The following KIF3B variants were observed in gnomAD, a reference collection of about 807,000 sequenced individuals.
KIF3B encodes the protein kinesin-like protein KIF3B.
Under a neutral mutation model 74.3 loss-of-function variants are expected in KIF3B, and 38 were observed. The ratio of observed to expected loss-of-function variants is 0.51; its 90% CI spans 0.39 to 0.67. The LOEUF is 0.67. Ranked by LOEUF, KIF3B falls within the 30% of genes least tolerant of loss-of-function variation. The pLI, the probability that KIF3B is intolerant of heterozygous loss-of-function variation, is 0.00. For missense variants in KIF3B, 649 were observed against 932.0 expected (o/e 0.70, Z 3.95); for synonymous variants, 326 against 342.5 (o/e 0.95, Z 0.53).
chr20:32,299,014 G>A (rs750371042), intron 1 of KIF3B, among the ~76,000 whole-genome samples: 5 of 151,952 alleles, frequency 3.3e-5, no homozygotes, highest in Admixed American at 6.6e-5. Context: ...CATGAGCACC[G>A]TATTTTTTTG....
At position 32,310,711 on chromosome 20, in the gene KIF3B, G is replaced by A. The variant is rs949770778; in HGVS notation, c.934G>A (p.Val312Met). Reference sequence around the variant, plus strand: ...TTCCCTTGGTGGCAATGCCAAGACTGTGATGGTGGCCAACGTGGGGCCTGC... The same window carrying A: ...TTCCCTTGGTGGCAATGCCAAGACTATGATGGTGGCCAACGTGGGGCCTGC... The part of the protein sequence containing the change: ...QDSLGGNAKT[V>M]MVANVGPASY... The change falls in exon 2 of 9, where the codon GTG becomes ATG. Residue 312 changes from valine (V) to methionine (M), a missense_variant. This residue lies in a region of KIF3B where 363 missense variants were observed against 592.8 expected (regional missense o/e 0.61). Transcript: ENST00000375712. This position sits in a 1 kb window ranked among gnomAD's most constrained non-coding sequence, Gnocchi z 6.5. The A allele has an allele frequency of 4.3e-6, 7 of 1,614,168 alleles. No individual in the cohort carries two copies. The highest frequency in any genetic ancestry group is 5.9e-6 in the Non-Finnish European group (7 of 1,180,022).
intron 1 of KIF3B, among the ~76,000 whole-genome samples, chr20:32,296,662 T>C (rs1177542324): frequency 6.6e-6 from 1 of 152,154 alleles, no homozygotes. Flanking sequence ...TCCACCTAGC[T>C]CTTTTAGGGA....
chr20:32,326,855 T>C lies in KIF3B; in HGVS notation c.1833T>C (p.His611=), dbSNP rs758843743. The C allele has an allele frequency of 5.1e-6, 8 of 1,583,420 alleles. No individual in the cohort carries two copies. In the South Asian group the frequency reaches 7.8e-5, roughly 15 times the overall value. Residue 611 remains histidine, a synonymous_variant, in exon 6 of 9, where the codon CAT becomes CAC. Transcript: ENST00000375712. Reference sequence around the variant, plus strand: ...CCTTCTTTGATGAAGAGGAAGATCATTGGAAACTACATCCTATAACCAGAC... The same window carrying C: ...CCTTCTTTGATGAAGAGGAAGATCACTGGAAACTACATCCTATAACCAGAC... ...NRAFFDEEED[H]WKLHPITRLE... is the part of the protein sequence containing the mutation.
intron 1 of KIF3B, among the ~76,000 whole-genome samples, chr20:32,296,918 C>G (rs983827782): frequency 6.6e-6 from 1 of 152,062 alleles, no homozygotes; most frequent in Non-Finnish European, 1.5e-5. Context: ...GACTTGCTTT[C>G]ATGGTGTGGT....
chr20:32,293,036 C>T (rs2122664770), intron 1 of KIF3B, among the ~76,000 whole-genome samples: 1 of 152,262 alleles, frequency 6.6e-6, no homozygotes, highest in African/African-American at 2.4e-5. Flanking sequence ...AGGCGGAACA[C>T]CTGAGGTCAG....
chr20:32,285,974 C>T (rs923504503), intron 1 of KIF3B, among the ~76,000 whole-genome samples: 1 of 152,222 alleles, frequency 6.6e-6, no homozygotes. Context: ...TTGAGCTCTT[C>T]ACACAGGAAG....
intron 1 of KIF3B, among the ~76,000 whole-genome samples, chr20:32,284,042 A>G (rs2047656126): frequency 6.6e-6 from 1 of 151,986 alleles, no homozygotes; most frequent in Admixed American, 6.5e-5. Flanking sequence ...CAGCCATCCA[A>G]GTAGCTGAGA....
chr20:32,300,839 TTTGTTGTTGTTGTTG>T (rs145346172), intron 1 of KIF3B, among the ~76,000 whole-genome samples: 9 of 150,818 alleles, frequency 6.0e-5, no homozygotes, highest in African/African-American at 1.9e-4. Flanking sequence ...TGCTGAGGAT[TTTGTTGTTGTTGTTG>T]TTGTTGTTGT....
intron 1 of KIF3B, among the ~76,000 whole-genome samples, chr20:32,282,816 C>G (rs912688770): frequency 4.6e-5 from 7 of 152,156 alleles, no homozygotes; most frequent in African/African-American, 1.7e-4. Context: ...TCTGAAGTTT[C>G]AGAGCTTTTG....
intron 1 of KIF3B, among the ~76,000 whole-genome samples, chr20:32,293,056 A>C (rs573405665): frequency 6.7e-4 from 102 of 152,146 alleles, no homozygotes; most frequent in African/African-American, 2.5e-3. Flanking sequence ...GGAGTTCAAG[A>C]CCAGCCTGGC....
chr20:32,310,008 C>G lies in KIF3B; in HGVS notation c.231C>G (p.Phe77Leu). 2 of 1,614,136 alleles carry G rather than the reference C, an allele frequency of 1.2e-6. No homozygotes were observed. The highest frequency in any genetic ancestry group is 1.7e-6 in the Non-Finnish European group (2 of 1,180,014). The change falls in exon 2 of 9, where the codon TTC (phenylalanine) becomes TTG (leucine). Residue 77 changes from phenylalanine (F) to leucine (L), a missense_variant. Around this residue, in one of 4 missense-constraint regions of KIF3B, gnomAD observed 96 missense variants for 119.0 expected, o/e 0.81. Coordinates refer to ENST00000375712, the MANE Select transcript of KIF3B (RefSeq NM_004798.4). This position sits in a 1 kb window ranked among gnomAD's most constrained non-coding sequence, Gnocchi z 6.5. ...AKQFELYDET[F>L]RPLVDSVLQG... ...AGTTTGAACTGTACGATGAGACGTT[C>G]CGACCACTTGTTGACTCTGTCCTGC...
At position 32,333,968 on chromosome 20, in the gene KIF3B, G is replaced by A. The variant is rs1305160113; in HGVS notation, c.*2649G>A. On this transcript the variant is annotated 3_prime_UTR_variant, in exon 9 of 9. Coordinates refer to ENST00000375712, the MANE Select transcript of KIF3B (RefSeq NM_004798.4). ...GTCGTGCTGTCACCAGAAAGCTGCTGTTTTGGGTTCTGCATTGAGCCAAAT... is the reference window on the plus strand; with the variant it reads ...GTCGTGCTGTCACCAGAAAGCTGCTATTTTGGGTTCTGCATTGAGCCAAAT... 6.6e-6 allele frequency: 1 copy of A among 152,642 alleles called. No individual in the cohort carries two copies. The highest frequency in any genetic ancestry group is 6.5e-5 in the Admixed American group (1 of 15,278). The allele number at this position is 152,642 out of a possible 1,614,324, so 9.5% of individuals were successfully genotyped here. A position where few individuals can be genotyped will look rare whatever the true frequency, so the allele number is the denominator to read the frequency against.
chr20:32,324,560 T>A (rs1015635954), intron 5 of KIF3B, among the ~76,000 whole-genome samples: 3 of 152,160 alleles, frequency 2.0e-5, no homozygotes, highest in African/African-American at 7.2e-5. Context: ...TAGGTAACGT[T>A]AATGTGCAGC....
intron 5 of KIF3B, among the ~76,000 whole-genome samples, chr20:32,325,145 T>C (rs950102438): frequency 1.7e-4 from 26 of 152,128 alleles, no homozygotes; most frequent in African/African-American, 6.3e-4. Flanking sequence ...TAGTTATCTC[T>C]GGATAGTGAA....
At chr20:32,300,530 C>G (rs893412853) in intron 1 of KIF3B, among the ~76,000 whole-genome samples, 4 of 152,138 alleles carry the variant, frequency 2.6e-5, no homozygotes, top group Non-Finnish European at 5.9e-5. Flanking sequence ...CTGCCCACCT[C>G]GGCCTCCCAA....
rs1340975951 is a variant in KIF3B at position 32,299,413 on chromosome 20, T to A, written c.-65-10300T>A. ...TATATATATATATATATTTTTTTTTTTTTTTTTTTTTTTTTGAGACAGAGT... is the reference window on the plus strand; with the variant it reads ...TATATATATATATATATTTTTTTTTATTTTTTTTTTTTTTTGAGACAGAGT... On this transcript the variant is annotated intron_variant, in intron 1 of 8. Transcript: ENST00000375712. Among the ~76,000 whole-genome samples, 34 of 88,368 alleles carry A rather than the reference T, an allele frequency of 3.8e-4. 1 individual carries two copies. The highest frequency in any genetic ancestry group is 5.8e-4 in the Non-Finnish European group (28 of 47,908). The allele number at this position is 88,368 out of a possible 152,430, so 58.0% of individuals were successfully genotyped here. A position where few individuals can be genotyped will look rare whatever the true frequency, so the allele number is the denominator to read the frequency against.
chr20:32,317,613 TTATA>T (rs147464782), intron 5 of KIF3B, among the ~76,000 whole-genome samples: 1 of 148,636 alleles, frequency 6.7e-6, no homozygotes, highest in Non-Finnish European at 1.5e-5. Flanking sequence ...TCCTACATAC[TTATA>T]TATATATATA....
intron 1 of KIF3B, among the ~76,000 whole-genome samples, chr20:32,306,101 AAAG>A (rs1312907175): frequency 2.0e-5 from 3 of 148,074 alleles, no homozygotes; most frequent in African/African-American, 7.4e-5. Context: ...AAAAAAAAAA[AAAG>A]AAAGTTATTG....
intron 1 of KIF3B, among the ~76,000 whole-genome samples, chr20:32,304,503 G>A (rs6119813): frequency 1.3e-5 from 2 of 152,152 alleles, no homozygotes; most frequent in African/African-American, 4.8e-5. Context: ...GTACGTCCTA[G>A]GTTTTTCACA....
Sources: allele counts gnomAD v4.1 joint callset (sites outside exome capture counted in the v4.1 genomes callset), GRCh38; gene constraint gnomAD v4.1.1; regional missense constraint gnomAD v4.1.1; non-coding constraint Gnocchi (gnomAD v3.1); transcripts MANE v1.5; gene names NCBI Gene and HGNC (gene_info 2026-07-23, HGNC 2026-07-21).